The following PDE4D variants were observed in gnomAD, a reference collection of about 807,000 sequenced individuals.
PDE4D encodes 3',5'-cyclic-AMP phosphodiesterase 4D.
A neutral mutation model predicts 87.4 loss-of-function variants in PDE4D; 24 were observed. The ratio of observed to expected loss-of-function variants is 0.27; its 90% CI spans 0.20 to 0.39. The LOEUF is 0.39. Among genes scored for constraint, PDE4D ranks in the 10% least tolerant of loss-of-function variants. The pLI, the probability that PDE4D is intolerant of heterozygous loss-of-function variation, is 1.00. For synonymous variants in PDE4D, 384 were observed against 383.2 expected (o/e 1.00, Z -0.02); for missense variants, 714 against 1,041.0 (o/e 0.69, Z 4.32).
intron 2 of PDE4D, among the ~76,000 whole-genome samples, chr5:60,063,632 A>G (rs1314884285): frequency 6.6e-6 from 1 of 152,118 alleles, no homozygotes; most frequent in East Asian, 1.9e-4. Flanking sequence ...GCTCCCTTGA[A>G]AGCTATCTGG....
intron 1 of PDE4D, among the ~76,000 whole-genome samples, chr5:59,405,987 T>C (rs535196099): frequency 6.6e-6 from 1 of 152,290 alleles, no homozygotes; most frequent in Admixed American, 6.5e-5. Flanking sequence ...TGGCCTGTAG[T>C]TTTCTGTTTG....
At chr5:60,299,119 G>T (rs551529984) in intron 1 of PDE4D, among the ~76,000 whole-genome samples, 1 of 151,944 alleles carries the variant, frequency 6.6e-6, no homozygotes, top group African/African-American at 2.4e-5. Context: ...GTAAAATTAG[G>T]TTTTTTTTCA....
intron 1 of PDE4D, among the ~76,000 whole-genome samples, chr5:59,269,921 C>T (rs1462990639): frequency 2.6e-5 from 4 of 151,960 alleles, no homozygotes; most frequent in Non-Finnish European, 4.4e-5. Context: ...CTGCCTTGCC[C>T]CTTTTATTTT....
At chr5:59,701,105 T>C (rs1172693528) in intron 1 of PDE4D, among the ~76,000 whole-genome samples, 1 of 152,156 alleles carries the variant, frequency 6.6e-6, no homozygotes, top group African/African-American at 2.4e-5. Context: ...AAATCATCCC[T>C]TCATCACAAA....
At chr5:59,695,357 T>C (rs570907699) in intron 1 of PDE4D, among the ~76,000 whole-genome samples, 7 of 151,832 alleles carry the variant, frequency 4.6e-5, no homozygotes, top group Non-Finnish European at 8.8e-5. Context: ...GAACTGCACC[T>C]TTTATTGCCA....
rs1234488670 is a variant in PDE4D at position 60,322,409 on chromosome 5, CACACACAA to C, written c.-89-136730_-89-136723del. ...ACACACACACACACACACACACACA[CACACACAA>C]AACCCTAACATATTTCAAACTTTTT... On this transcript the variant is annotated intron_variant, in intron 1 of 16. Coordinates refer to the PDE4D transcript ENST00000502484. 1.6e-4 allele frequency among the ~76,000 whole-genome samples: 21 copies of C among 135,356 alleles called. 1 individual carries two copies. Among genetic ancestry groups the C allele is most frequent in the African/African-American group, 5.5e-4 (19 of 34,816 alleles). 88.8% of individuals were successfully genotyped at this position (135,356 alleles called of 152,430 possible). A position where few individuals can be genotyped will look rare whatever the true frequency, so the allele number is the denominator to read the frequency against.
chr5:59,656,614 C>T (rs1377875996), intron 1 of PDE4D, among the ~76,000 whole-genome samples: 1 of 152,164 alleles, frequency 6.6e-6, no homozygotes, highest in Non-Finnish European at 1.5e-5. Flanking sequence ...AGGATGTGGG[C>T]ATTCCTAACC....
intron 2 of PDE4D, chr5:60,021,275 T>C (rs1346530656): frequency 3.9e-5 from 6 of 151,924 alleles, no homozygotes; most frequent in African/African-American, 1.5e-4. Flanking sequence ...AGTCACTCAA[T>C]GACATGCAAC....
intron 1 of PDE4D, among the ~76,000 whole-genome samples, chr5:60,316,854 GA>G (rs1255705068): frequency 1.3e-5 from 2 of 152,302 alleles, no homozygotes; most frequent in Non-Finnish European, 1.5e-5. Context: ...GATCATGGTG[GA>G]TAAGCTTTTG....
chr5:59,613,768 T>C (rs1344130013), intron 1 of PDE4D, among the ~76,000 whole-genome samples: 1 of 152,186 alleles, frequency 6.6e-6, no homozygotes, highest in East Asian at 1.9e-4. Flanking sequence ...AACATTAAAT[T>C]TAATTTGCAT....
intron 1 of PDE4D, among the ~76,000 whole-genome samples, chr5:59,859,950 C>T (rs945178927): frequency 3.9e-5 from 6 of 152,134 alleles, no homozygotes; most frequent in Non-Finnish European, 7.3e-5. Flanking sequence ...TTGGAAGAGG[C>T]CCACAGACTC....
rs1815469469 is a variant in PDE4D at position 59,537,339 on chromosome 5, TC to T, written c.456-321372del. The stretch of plus-strand genomic sequence containing the variant: ...TAGGAAAATGTTTACATATGGTATG[TC>T]ACATGAGTAGGTTTATCTCCTTAGC... On this transcript the variant is annotated intron_variant, in intron 1 of 14. Coordinates refer to ENST00000340635, the MANE Select transcript of PDE4D (RefSeq NM_001104631.2). 3.3e-5 allele frequency among the ~76,000 whole-genome samples: 5 copies of T among 152,338 alleles called. No individual in the cohort carries two copies. In the South Asian group the frequency reaches 1.0e-3, roughly 32 times the overall value.
intron 1 of PDE4D, among the ~76,000 whole-genome samples, chr5:60,260,732 A>C (rs1215176514): frequency 2.6e-5 from 4 of 152,146 alleles, no homozygotes; most frequent in African/African-American, 9.6e-5. Context: ...GAAGATGAAC[A>C]ATCAAAATAA....
chr5:59,023,185 A>T (rs1755543872), intron 6 of PDE4D, among the ~76,000 whole-genome samples: 1 of 149,786 alleles, frequency 6.7e-6, no homozygotes, highest in African/African-American at 2.5e-5. Context: ...AAGGAAAAAA[A>T]AAAAAGAGAG....
At chr5:59,002,252 C>T (rs1474130506) in intron 6 of PDE4D, among the ~76,000 whole-genome samples, 1 of 152,156 alleles carries the variant, frequency 6.6e-6, no homozygotes, top group Non-Finnish European at 1.5e-5. Flanking sequence ...TGTGCACAAT[C>T]ACTGACAAAT....
chr5:59,060,896 C>T (rs988977655), intron 5 of PDE4D, among the ~76,000 whole-genome samples: 3 of 152,082 alleles, frequency 2.0e-5, no homozygotes, highest in Non-Finnish European at 2.9e-5. Flanking sequence ...GAAATCATTC[C>T]AGCCTGGAAG....
intron 1 of PDE4D, among the ~76,000 whole-genome samples, chr5:60,519,204 G>A (rs1750931896): frequency 1.3e-5 from 2 of 152,200 alleles, no homozygotes; most frequent in Non-Finnish European, 2.9e-5. Flanking sequence ...CTTATGTGAT[G>A]TGCACAGTCG....
chr5:60,497,551 T>C (rs1468190434), intron 1 of PDE4D, among the ~76,000 whole-genome samples: 1 of 151,976 alleles, frequency 6.6e-6, no homozygotes, highest in Admixed American at 6.6e-5. Context: ...CATAGGCACA[T>C]GCCACTAAGC....
At chr5:60,233,956 C>T (rs760850110) in intron 1 of PDE4D, among the ~76,000 whole-genome samples, 2 of 151,852 alleles carry the variant, frequency 1.3e-5, no homozygotes, top group Non-Finnish European at 2.9e-5. Context: ...ATTCACATTA[C>T]TTTTAAAAAA....
Sources: allele counts gnomAD v4.1 joint callset (sites outside exome capture counted in the v4.1 genomes callset), GRCh38; gene constraint gnomAD v4.1.1; transcripts MANE v1.5; gene names NCBI Gene and HGNC (gene_info 2026-07-23, HGNC 2026-07-21).